The following ADD2 variants were observed in gnomAD, a reference collection of about 807,000 sequenced individuals.
The protein encoded by ADD2 is adducin 2, also known as beta-adducin.
A neutral mutation model predicts 83.0 loss-of-function variants in ADD2; 23 were observed. The observed-to-expected ratio is 0.28, with a 90% confidence interval of 0.20 to 0.39. The LOEUF is 0.39. Among genes scored for constraint, ADD2 ranks in the 10% least tolerant of loss-of-function variants. ADD2 has a pLI of 1.00. For synonymous variants in ADD2, 375 were observed against 375.4 expected (o/e 1.00, Z 0.01); for missense variants, 758 against 944.9 (o/e 0.80, Z 2.59).
intron 15 of ADD2, among the ~76,000 whole-genome samples, chr2:70,665,820 T>TG (rs1196771403): frequency 9.6e-5 from 7 of 73,112 alleles, no homozygotes; most frequent in Admixed American, 3.7e-4. Context: ...GTTTTTTTGT[T>TG]TTTTTTTTTT....
rs376727740 is a variant in ADD2, at chr2:70,687,974, C to A, written c.948+50G>T. ...CAGGGTCACCACGTTTGCCCACAGGCCCCTGTCAGAGCCCACTCCTGGGCC... is the reference window on the plus strand; with the variant it reads ...CAGGGTCACCACGTTTGCCCACAGGACCCTGTCAGAGCCCACTCCTGGGCC... On this transcript the variant is annotated intron_variant, in intron 9 of 15. Coordinates refer to ENST00000264436, the MANE Select transcript of ADD2 (RefSeq NM_001617.4). 1.7e-5 allele frequency: 25 copies of A among 1,445,016 alleles called. No individual in the cohort carries two copies. The South Asian group carries it at 2.5e-4, about 15-fold the overall frequency. 89.5% of individuals were successfully genotyped at this position (1,445,016 alleles called of 1,614,324 possible). A position where few individuals can be genotyped will look rare whatever the true frequency, so the allele number is the denominator to read the frequency against.
intron 4 of ADD2, among the ~76,000 whole-genome samples, chr2:70,698,405 C>A (rs542424225): frequency 6.6e-6 from 1 of 152,280 alleles, no homozygotes; most frequent in East Asian, 1.9e-4. Flanking sequence ...AAGGAGCTCC[C>A]GATCCCCTGC....
In ADD2 at chr2:70,692,352, C is replaced by A; in HGVS notation, c.705+51G>T. On this transcript the variant is annotated intron_variant, in intron 7 of 15. Coordinates refer to ENST00000264436, the MANE Select transcript of ADD2 (RefSeq NM_001617.4). Reference sequence around the variant, plus strand: ...GTTTTAAGTGACGAGATTGCTACAACCTCGGCAGCCTTACGTCTTTCCTTG... The same window carrying A: ...GTTTTAAGTGACGAGATTGCTACAAACTCGGCAGCCTTACGTCTTTCCTTG... 3.4e-6 allele frequency: 5 copies of A among 1,473,086 alleles called. No homozygotes were observed. The African/African-American group carries it at 5.6e-5, about 17-fold the overall frequency. 91.3% of individuals were successfully genotyped at this position (1,473,086 alleles called of 1,614,324 possible).
At chr2:70,750,637 G>C (rs1553382794) in intron 1 of ADD2, among the ~76,000 whole-genome samples, 1 of 152,178 alleles carries the variant, frequency 6.6e-6, no homozygotes, top group Non-Finnish European at 1.5e-5. Context: ...AAACAGGGAA[G>C]GAGTACCCTA....
rs1553368694 is a variant in ADD2, at chr2:70,677,861, T to A, written c.1400A>T (p.Glu467Val). 6.2e-7 allele frequency: 1 copy of A among 1,614,206 alleles called. No homozygotes were observed. Among genetic ancestry groups the A allele is most frequent in the South Asian group, 1.1e-5 (1 of 91,086 alleles). ...RPKTTWMKAD[E>V]VEKSSSGMPI... is the part of the protein sequence containing the mutation. Reference sequence around the variant, plus strand: ...CATGCCACTGCTGGATTTCTCCACCTCGTCAGCCTTCATCCACTGCACAAA... The same window carrying A: ...CATGCCACTGCTGGATTTCTCCACCACGTCAGCCTTCATCCACTGCACAAA... Residue 467 changes from glutamate to valine, a missense_variant, in exon 12 of 16, where the codon GAG (glutamate) becomes GTG (valine). By Grantham distance (121) the Glu-to-Val change is moderately radical (BLOSUM62 -2). This residue lies in a region of ADD2 where 394 missense variants were observed against 509.3 expected (regional missense o/e 0.77). Coordinates refer to ENST00000264436, the MANE Select transcript of ADD2 (RefSeq NM_001617.4).
intron 2 of ADD2, among the ~76,000 whole-genome samples, chr2:70,712,452 T>TA (rs1308235441): frequency 3.1e-5 from 4 of 128,338 alleles, no homozygotes; most frequent in South Asian, 2.5e-4. Context: ...TCAAAAAAAA[T>TA]AAATAAATAA....
chr2:70,682,306 G>A (rs782768012), intron 10 of ADD2, among the ~76,000 whole-genome samples: 5 of 152,112 alleles, frequency 3.3e-5, no homozygotes, highest in African/African-American at 7.2e-5. Context: ...TGTCTTAAAG[G>A]TTGGAAAGAA....
At chr2:70,665,823 T>G (rs547670759) in intron 15 of ADD2, among the ~76,000 whole-genome samples, 6,242 of 151,710 alleles carry the variant, frequency 0.041, 477 homozygotes, top group African/African-American at 0.14. Flanking sequence ...TTTTTGTTTT[T>G]TTTTTTTTCC....
chr2:70,726,180 C>G (rs1553378232), intron 1 of ADD2, among the ~76,000 whole-genome samples: 1 of 82,406 alleles, frequency 1.2e-5, no homozygotes, highest in Non-Finnish European at 2.2e-5. Flanking sequence ...GAGCGAGACT[C>G]CATCTCAAAA....
chr2:70,734,398 A>C (rs1483947037), intron 1 of ADD2, among the ~76,000 whole-genome samples: 2 of 152,084 alleles, frequency 1.3e-5, no homozygotes, highest in South Asian at 4.1e-4. Context: ...TAGATGACAA[A>C]GGTAGCCCAC....
intron 4 of ADD2, 58 bp downstream of exon 4, chr2:70,704,263 T>TCG: frequency 1.1e-6 from 1 of 913,238 alleles, no homozygotes; most frequent in Non-Finnish European, 1.7e-6. Flanking sequence ...CTCCCTCTCT[T>TCG]CCCCACCCCA....
intron 2 of ADD2, 77 bp downstream of exon 2, chr2:70,712,989 G>T: frequency 3.7e-6 from 2 of 534,588 alleles, no homozygotes; most frequent in Non-Finnish European, 4.8e-6. Flanking sequence ...AAAGGGCCTT[G>T]TCTGTACCTC....
chr2:70,659,270 T>C lies in ADD2; in HGVS notation c.*4155A>G, dbSNP rs1189173799. ...GAAAAATTGAAAATTATTTTTAGAC[T>C]TTCAGAGGCGAATCATGCTGTTGGG... On this transcript the variant is annotated 3_prime_UTR_variant, in exon 16 of 16. Coordinates refer to ENST00000264436, the MANE Select transcript of ADD2 (RefSeq NM_001617.4). 3 of 152,158 alleles carry C rather than the reference T, an allele frequency of 2.0e-5. No individual in the cohort carries two copies. Among genetic ancestry groups the C allele is most frequent in the African/African-American group, 7.2e-5 (3 of 41,442 alleles). 9.4% of individuals were successfully genotyped at this position (152,158 alleles called of 1,614,324 possible).
intron 6 of ADD2, among the ~76,000 whole-genome samples, chr2:70,693,829 A>C (rs1441229923): frequency 6.6e-6 from 1 of 152,102 alleles, no homozygotes; most frequent in African/African-American, 2.4e-5. Context: ...TGGATGTGTG[A>C]TCTGTTGTCA....
chr2:70,669,528 T>C (rs782452181), intron 15 of ADD2, among the ~76,000 whole-genome samples: 1 of 152,198 alleles, frequency 6.6e-6, no homozygotes, highest in Non-Finnish European at 1.5e-5. Flanking sequence ...GTGACTCCCA[T>C]CCACTCACCA....
intron 2 of ADD2, among the ~76,000 whole-genome samples, chr2:70,708,218 G>A (rs1672002516): frequency 6.6e-6 from 1 of 152,148 alleles, no homozygotes; most frequent in Admixed American, 6.5e-5. Flanking sequence ...GTTCTTGTTT[G>A]CATTCTTCCT....
chr2:70,732,570 G>A (rs535312825), intron 1 of ADD2, among the ~76,000 whole-genome samples: 12 of 152,276 alleles, frequency 7.9e-5, no homozygotes, highest in South Asian at 2.1e-4. Flanking sequence ...GTCTGGTCCC[G>A]GATCTCCCTG....
At chr2:70,731,557 C>T (rs1330913075) in intron 1 of ADD2, among the ~76,000 whole-genome samples, 1 of 152,132 alleles carries the variant, frequency 6.6e-6, no homozygotes, top group African/African-American at 2.4e-5. Flanking sequence ...ATCCCCAGCA[C>T]CCAGAATAGC....
At chr2:70,708,460 G>C (rs1239857660) in intron 2 of ADD2, among the ~76,000 whole-genome samples, 8 of 152,234 alleles carry the variant, frequency 5.3e-5, no homozygotes, top group African/African-American at 1.9e-4. Flanking sequence ...CTAGTGAGCA[G>C]CCTCGGTTGA....
Sources: gnomAD v4.1 joint callset for allele counts (sites outside exome capture counted in the v4.1 genomes callset) on GRCh38, gnomAD v4.1.1 for gene constraint, gnomAD v4.1.1 regional missense constraint, MANE v1.5 for transcripts, NCBI Gene and HGNC (gene_info 2026-07-23, HGNC 2026-07-21) for gene names.